Variants in PTPRD observed in about 807,000 individuals in gnomAD.
PTPRD encodes the protein protein tyrosine phosphatase receptor type D, also known as receptor-type tyrosine-protein phosphatase delta.
PTPRD carries 34 observed loss-of-function variants against 214.5 expected under a neutral mutation model. The ratio of observed to expected loss-of-function variants is 0.16; its 90% CI spans 0.12 to 0.21. PTPRD has a LOEUF of 0.21. Among genes scored for constraint, PTPRD ranks in the 10% least tolerant of loss-of-function variants. The pLI, the probability that PTPRD is intolerant of heterozygous loss-of-function variation, is 1.00. For synonymous variants in PTPRD, 1,128 were observed against 845.7 expected (o/e 1.33, Z -5.79); for missense variants, 2,545 against 2,398.7 (o/e 1.06, Z -1.27).
At chr9:8,903,146 CTT>C (rs57429483) in intron 11 of PTPRD, among the ~76,000 whole-genome samples, 3 of 147,698 alleles carry the variant, frequency 2.0e-5, no homozygotes, top group Non-Finnish European at 3.0e-5. Flanking sequence ...CTATCTTATT[CTT>C]TTTTTTTTTA....
intron 10 of PTPRD, among the ~76,000 whole-genome samples, chr9:9,088,065 A>G (rs1222723635): frequency 2.0e-5 from 3 of 150,860 alleles, no homozygotes; most frequent in Non-Finnish European, 4.4e-5. Flanking sequence ...TATTTTTAGT[A>G]GACACGGGGT....
rs547634252 is a variant in PTPRD, at chr9:10,169,522, T to C, written c.-544-135732A>G. Among the ~76,000 whole-genome samples the C allele has an allele frequency of 6.8e-5, 10 of 146,836 alleles. No homozygotes were observed. In the East Asian group the frequency reaches 2.0e-3, roughly 29 times the overall value. ...ATGAGTAGGACCACATTTCTTGTAA[T>C]GACAGAGAACTGAGGTGGCTGTACC... On this transcript the variant is annotated intron_variant, in intron 3 of 45. Coordinates refer to ENST00000381196, the MANE Select transcript of PTPRD (RefSeq NM_002839.4).
chr9:10,037,999 A>G (rs921166523), intron 3 of PTPRD, among the ~76,000 whole-genome samples: 12 of 152,170 alleles, frequency 7.9e-5, no homozygotes, highest in African/African-American at 1.4e-4. Context: ...GAGTCTATCT[A>G]CAGACATTGA....
At chr9:10,513,720 C>T (rs2049052793) in intron 2 of PTPRD, among the ~76,000 whole-genome samples, 1 of 152,148 alleles carries the variant, frequency 6.6e-6, no homozygotes, top group Admixed American at 6.6e-5. Flanking sequence ...TTTGCCAAGT[C>T]TCTATCTCAC....
intron 6 of PTPRD, among the ~76,000 whole-genome samples, chr9:9,753,193 T>C (rs2098538501): frequency 6.6e-6 from 1 of 152,070 alleles, no homozygotes; most frequent in South Asian, 2.1e-4. Context: ...AGGACATCAC[T>C]ACTGTAATTG....
At chr9:8,428,072 G>C (rs1313649827) in intron 35 of PTPRD, among the ~76,000 whole-genome samples, 3 of 152,160 alleles carry the variant, frequency 2.0e-5, no homozygotes, top group African/African-American at 7.2e-5. Flanking sequence ...GAGAGGTTCA[G>C]TCATTTGCTT....
intron 3 of PTPRD, among the ~76,000 whole-genome samples, chr9:10,097,041 T>C (rs138325541): frequency 6.6e-6 from 1 of 151,818 alleles, no homozygotes; most frequent in Non-Finnish European, 1.5e-5. Context: ...AAAGATCAGA[T>C]AGTTGTAGAT....
chr9:8,827,968 A>T lies in PTPRD; in HGVS notation c.-103-94022T>A, dbSNP rs2097208693. Among the ~76,000 whole-genome samples the T allele has an allele frequency of 2.0e-5, 3 of 152,174 alleles. No individual in the cohort carries two copies. The South Asian group carries it at 6.2e-4, about 32-fold the overall frequency. ...TAATTAGTACTTATCACCATCCCCTAAACAATAAGATAATAATATATTCAA... is the reference window on the plus strand; with the variant it reads ...TAATTAGTACTTATCACCATCCCCTTAACAATAAGATAATAATATATTCAA... On this transcript the variant is annotated intron_variant, in intron 11 of 45. Coordinates refer to ENST00000381196, the MANE Select transcript of PTPRD (RefSeq NM_002839.4).
intron 5 of PTPRD, among the ~76,000 whole-genome samples, chr9:9,841,943 T>G (rs1166063573): frequency 6.6e-6 from 1 of 152,092 alleles, no homozygotes; most frequent in Non-Finnish European, 1.5e-5. Context: ...TAAGTACTCA[T>G]GTTAAAAACA....
At chr9:10,408,140 G>C (rs1215505587) in intron 2 of PTPRD, among the ~76,000 whole-genome samples, 1 of 151,404 alleles carries the variant, frequency 6.6e-6, no homozygotes, top group African/African-American at 2.4e-5. Context: ...TACCTTTCTT[G>C]TGACTCCGAC....
At chr9:10,208,249 T>C (rs1176973269) in intron 3 of PTPRD, among the ~76,000 whole-genome samples, 1 of 152,306 alleles carries the variant, frequency 6.6e-6, no homozygotes, top group South Asian at 2.1e-4. Context: ...GCGCGGTGGC[T>C]CAGGCCCGTA....
intron 8 of PTPRD, among the ~76,000 whole-genome samples, chr9:9,482,446 A>G (rs566053587): frequency 1.3e-5 from 2 of 152,300 alleles, no homozygotes; most frequent in East Asian, 1.9e-4. Context: ...TGAAGTGTCT[A>G]TATAATCTTT....
chr9:10,126,023 G>C (rs1013205615), intron 3 of PTPRD, among the ~76,000 whole-genome samples: 1 of 152,218 alleles, frequency 6.6e-6, no homozygotes, highest in South Asian at 2.1e-4. Context: ...ATTTTGGGAA[G>C]AGAACAGAAA....
intron 3 of PTPRD, among the ~76,000 whole-genome samples, chr9:10,166,243 G>GAAA (rs778596359): frequency 3.9e-5 from 3 of 76,366 alleles, no homozygotes; most frequent in African/African-American, 4.7e-5. Flanking sequence ...CTGAAAAATT[G>GAAA]AAAAAAAAAA....
intron 11 of PTPRD, among the ~76,000 whole-genome samples, chr9:8,896,380 C>T (rs1050804880): frequency 3.3e-5 from 5 of 152,092 alleles, no homozygotes; most frequent in African/African-American, 9.7e-5. Flanking sequence ...ACAGGACAGA[C>T]TTGTGGTTTG....
rs575065151 is a variant in PTPRD, at chr9:9,678,294, C to T, written c.-287+56239G>A. The stretch of plus-strand genomic sequence containing the variant: ...TAAGCCAAAAGAAGAAAGCTGGAGG[C>T]ATCATGCTACCTGACTTCAAACTAT... On this transcript the variant is annotated intron_variant, in intron 7 of 45. Coordinates refer to ENST00000381196, the MANE Select transcript of PTPRD (RefSeq NM_002839.4). 1.2e-4 allele frequency among the ~76,000 whole-genome samples: 19 copies of T among 152,170 alleles called. 1 individual carries two copies. The highest frequency in any genetic ancestry group is 9.2e-4 in the Admixed American group (14 of 15,258).
intron 7 of PTPRD, among the ~76,000 whole-genome samples, chr9:9,627,209 A>G (rs2095449578): frequency 6.6e-6 from 1 of 152,194 alleles, no homozygotes; most frequent in Non-Finnish European, 1.5e-5. Context: ...TGGGAGGCTG[A>G]AGCAGGAGAA....
At chr9:9,123,844 G>A (rs570554002) in intron 10 of PTPRD, among the ~76,000 whole-genome samples, 1 of 152,258 alleles carries the variant, frequency 6.6e-6, no homozygotes, top group South Asian at 2.1e-4. Context: ...AACAGGAATA[G>A]CCACAATGAA....
intron 19 of PTPRD, among the ~76,000 whole-genome samples, 171 bp from the exon 20 acceptor site, chr9:8,521,717 G>GT (rs1158255239): frequency 6.6e-6 from 1 of 152,114 alleles, no homozygotes; most frequent in Non-Finnish European, 1.5e-5. Flanking sequence ...CAAGTATGGT[G>GT]TGTGTATACA....
Sources: gnomAD v4.1 joint callset for allele counts (sites outside exome capture counted in the v4.1 genomes callset) on GRCh38, gnomAD v4.1.1 for gene constraint, MANE v1.5 for transcripts, NCBI Gene and HGNC (gene_info 2026-07-23, HGNC 2026-07-21) for gene names.